SLC14A2: variants seen among roughly 807,000 people sequenced by gnomAD.
The protein encoded by SLC14A2 is solute carrier family 14 member 2, also known as urea transporter 2.
A neutral mutation model predicts 104.6 loss-of-function variants in SLC14A2; 91 were observed. The observed-to-expected ratio is 0.87, with a 90% CI of 0.73 to 1.04. The LOEUF (loss-of-function observed/expected upper bound fraction) is 1.04, where lower values mean the gene tolerates loss of function less well. Ranked by LOEUF, SLC14A2 falls within the 50% of genes least tolerant of loss-of-function variation. SLC14A2 has a pLI of 0.00. For missense variants in SLC14A2, 1,189 were observed against 1,156.0 expected, an observed-to-expected ratio of 1.03 and a Z score of -0.41; for synonymous variants, 476 against 466.4, an observed-to-expected ratio of 1.02 and a Z score of -0.27.
intron 1 of SLC14A2, among the ~76,000 whole-genome samples, chr18:45,322,404 C>T (rs1345874254): frequency 1.3e-5 from 2 of 152,134 alleles, no homozygotes; most frequent in East Asian, 3.9e-4. Context: ...AAAAACATTT[C>T]CAAGGACAGG....
chr18:45,675,709 A>ATTTTTTTTT (rs71177687), intron 18 of SLC14A2, among the ~76,000 whole-genome samples: 3 of 78,396 alleles, frequency 3.8e-5, no homozygotes, highest in African/African-American at 1.5e-4. Context: ...ATATATATAT[A>ATTTTTTTTT]TTTTTTTTTT....
chr18:45,537,070 C>T (rs944083419), intron 2 of SLC14A2, among the ~76,000 whole-genome samples: 5 of 131,112 alleles, frequency 3.8e-5, no homozygotes, highest in South Asian at 2.7e-4. Flanking sequence ...TCCCTCCCTT[C>T]CTTCCTTCCT....
At chr18:45,644,655 A>G (rs1248841863) in intron 10 of SLC14A2, among the ~76,000 whole-genome samples, 1 of 152,132 alleles carries the variant, frequency 6.6e-6, no homozygotes, top group Non-Finnish European at 1.5e-5. Context: ...TTTCACACTG[A>G]TGGGATTTTA....
At chr18:45,532,139 C>T (rs554259081) in intron 2 of SLC14A2, among the ~76,000 whole-genome samples, 1 of 152,200 alleles carries the variant, frequency 6.6e-6, no homozygotes, top group South Asian at 2.1e-4. Flanking sequence ...TAGCATGATG[C>T]CTCCAGCTTT....
chr18:45,272,616 TGGGAGGTTGAGGGGTAGATGA>T (rs2084662088), intron 1 of SLC14A2, among the ~76,000 whole-genome samples: 7 of 151,882 alleles, frequency 4.6e-5, no homozygotes, highest in Admixed American at 4.6e-4. Context: ...GGAAGGGTAA[TGGGAGGTTGAGGGGTAGATGA>T]GGATGGTTAA....
intron 1 of SLC14A2, among the ~76,000 whole-genome samples, chr18:45,618,106 C>T (rs540488555): frequency 2.0e-5 from 3 of 152,254 alleles, no homozygotes; most frequent in African/African-American, 4.8e-5. Flanking sequence ...GTAAGCAGGG[C>T]TGTTCTCAAC....
chr18:45,207,449 G>T, the SLC14A2 span, among the ~76,000 whole-genome samples: 1 of 151,678 alleles, frequency 6.6e-6, no homozygotes, highest in Non-Finnish European at 1.5e-5. Flanking sequence ...AAAGCGTAGG[G>T]GATGGAAGAG....
rs1300641520 is a variant in SLC14A2, at chr18:45,406,658, C to T, written c.-124-76575C>T. The stretch of plus-strand genomic sequence containing the variant: ...CTTAAATAATAAAACTTGAAAGTCA[C>T]AATTACTCCTTGATCCATAACTCCT... On this transcript the variant is annotated intron_variant, in intron 1 of 20. Coordinates refer to the SLC14A2 transcript ENST00000586448. Among the ~76,000 whole-genome samples, 3 of 152,256 alleles carry T rather than the reference C, an allele frequency of 2.0e-5. No homozygotes were observed. The East Asian group carries it at 5.8e-4, about 29-fold the overall frequency.
the SLC14A2 span, among the ~76,000 whole-genome samples, chr18:45,169,543 T>C: frequency 3.9e-5 from 6 of 152,236 alleles, no homozygotes; most frequent in Non-Finnish European, 7.3e-5. Flanking sequence ...GAGTCAGAGT[T>C]ACATTAGGTT....
chr18:45,621,102 T>C (rs1356734306), intron 1 of SLC14A2, among the ~76,000 whole-genome samples: 1 of 152,242 alleles, frequency 6.6e-6, no homozygotes, highest in Non-Finnish European at 1.5e-5. Context: ...TTCATATGGT[T>C]GGCTTGGAGG....
At chr18:45,680,434 G>A (rs148496810) in intron 19 of SLC14A2, among the ~76,000 whole-genome samples, 103 of 152,122 alleles carry the variant, frequency 6.8e-4, no homozygotes, top group African/African-American at 2.4e-3. Context: ...GCCACTCTCC[G>A]GAATATAAAA....
intron 1 of SLC14A2, among the ~76,000 whole-genome samples, chr18:45,413,295 T>C (rs2086234656): frequency 6.6e-6 from 1 of 152,210 alleles, no homozygotes; most frequent in Non-Finnish European, 1.5e-5. Context: ...AGAAACTCAA[T>C]TGTTTCTACA....
intron 2 of SLC14A2, among the ~76,000 whole-genome samples, chr18:45,527,137 C>A (rs1475782049): frequency 6.6e-6 from 1 of 152,146 alleles, no homozygotes; most frequent in Non-Finnish European, 1.5e-5. Context: ...TATCTGTTCC[C>A]AAGAATCTTC....
Position 45,413,837 on chromosome 18 carries a change from G to A in SLC14A2, c.-124-69396G>A, listed in dbSNP as rs978010882. On this transcript the variant is annotated intron_variant, in intron 1 of 20. Coordinates refer to the SLC14A2 transcript ENST00000586448. ...GGTACCTAAGCCACAGTTATCTCACGTATAAAATAAGGTAACCATAGTGCC... is the reference window on the plus strand; with the variant it reads ...GGTACCTAAGCCACAGTTATCTCACATATAAAATAAGGTAACCATAGTGCC... Among the ~76,000 whole-genome samples, 15 of 152,180 alleles carry A rather than the reference G, an allele frequency of 9.9e-5. No individual in the cohort carries two copies. In the South Asian group the frequency reaches 2.1e-3, roughly 21 times the overall value.
intron 2 of SLC14A2, among the ~76,000 whole-genome samples, chr18:45,504,199 C>T (rs1016711914): frequency 7.9e-5 from 12 of 152,134 alleles, no homozygotes; most frequent in East Asian, 5.8e-4. Context: ...ATCTAGATTC[C>T]GGCAAACTTT....
intron 2 of SLC14A2, among the ~76,000 whole-genome samples, chr18:45,568,143 A>G (rs1599014477): frequency 6.6e-6 from 1 of 152,218 alleles, no homozygotes; most frequent in East Asian, 1.9e-4. Flanking sequence ...GGTCCCAGTC[A>G]TCATGAGCAG....
intron 1 of SLC14A2, among the ~76,000 whole-genome samples, chr18:45,287,526 C>T (rs1306588866): frequency 6.6e-6 from 1 of 152,160 alleles, no homozygotes; most frequent in African/African-American, 2.4e-5. Flanking sequence ...GGAGTGGGGA[C>T]TCTACTGGAC....
At chr18:45,629,029 C>T (rs1488818704) in intron 4 of SLC14A2, among the ~76,000 whole-genome samples, 1 of 152,188 alleles carries the variant, frequency 6.6e-6, no homozygotes, top group African/African-American at 2.4e-5. Flanking sequence ...GGTGGCAGGA[C>T]TTAGGCTTGG....
intron 1 of SLC14A2, among the ~76,000 whole-genome samples, chr18:45,227,960 A>G (rs1313635630): frequency 1.3e-5 from 2 of 152,238 alleles, no homozygotes; most frequent in Non-Finnish European, 2.9e-5. Context: ...AAATTCATAT[A>G]TAAAGAGGTA....
Sources: allele counts gnomAD v4.1 joint callset (sites outside exome capture counted in the v4.1 genomes callset), GRCh38; gene constraint gnomAD v4.1.1; transcripts MANE v1.5; gene names NCBI Gene and HGNC (gene_info 2026-07-23, HGNC 2026-07-21).